The following SNX24 variants were observed in gnomAD, a reference collection of about 807,000 sequenced individuals.
The protein encoded by SNX24 is sorting nexin 24.
Under a neutral mutation model 28.7 loss-of-function variants are expected in SNX24, and 22 were observed. The observed-to-expected ratio is 0.77, with a 90% CI of 0.55 to 1.10. The LOEUF (loss-of-function observed/expected upper bound fraction) is 1.10, where lower values mean the gene tolerates loss of function less well. SNX24 is among the 50% of genes least tolerant of loss of function. The probability of loss-of-function intolerance (pLI) is 0.00; values close to 1 mark genes in which losing one functional copy is unlikely to be tolerated. For synonymous variants in SNX24, 69 were observed against 71.5 expected, an observed-to-expected ratio of 0.96 and a Z score of 0.18; for missense variants, 221 against 201.1, an observed-to-expected ratio of 1.10 and a Z score of -0.60.
downstream of SNX24, among the ~76,000 whole-genome samples, chr5:123,010,762 C>T (rs974807322): frequency 1.3e-5 from 2 of 152,174 alleles, no homozygotes; most frequent in Non-Finnish European, 2.9e-5. Flanking sequence ...ATTTCATCTA[C>T]ATACAAGCAG....
chr5:122,913,170 C>T (rs1757970188), intron 1 of SNX24, among the ~76,000 whole-genome samples: 1 of 152,244 alleles, frequency 6.6e-6, no homozygotes, highest in Admixed American at 6.5e-5. Flanking sequence ...ACCTTTCCCC[C>T]TTTTCTATTC....
intron 2 of SNX24, among the ~76,000 whole-genome samples, chr5:122,938,410 T>G (rs1759275863): frequency 6.6e-6 from 1 of 152,214 alleles, no homozygotes; most frequent in African/African-American, 2.4e-5. Context: ...TGAGGTCTAC[T>G]AGCATTAATA....
intron 5 of SNX24, among the ~76,000 whole-genome samples, chr5:123,028,207 G>A (rs1232393654): frequency 6.6e-6 from 1 of 152,178 alleles, no homozygotes; most frequent in Non-Finnish European, 1.5e-5. Context: ...TTTTAGAACA[G>A]AAAAATGAAA....
chr5:122,862,963 AAAC>A (rs1330794391), intron 1 of SNX24, among the ~76,000 whole-genome samples: 2 of 152,234 alleles, frequency 1.3e-5, no homozygotes, highest in Non-Finnish European at 2.9e-5. Flanking sequence ...GAGAAAATGA[AAAC>A]AAGTCATCTA....
chr5:122,914,642 G>T (rs933765616), intron 1 of SNX24, among the ~76,000 whole-genome samples: 2 of 150,622 alleles, frequency 1.3e-5, no homozygotes, highest in South Asian at 2.1e-4. Context: ...TATGTGTCGA[G>T]GAATTTATCC....
downstream of SNX24, among the ~76,000 whole-genome samples, chr5:123,011,202 G>C (rs13164161): frequency 2.6e-5 from 4 of 151,508 alleles, no homozygotes; most frequent in Non-Finnish European, 5.9e-5. Flanking sequence ...ACCAGAGGAA[G>C]GAAAAGGAAA....
intron 3 of SNX24, among the ~76,000 whole-genome samples, chr5:122,955,385 G>T (rs1760158934): frequency 6.6e-6 from 1 of 152,130 alleles, no homozygotes; most frequent in Non-Finnish European, 1.5e-5. Context: ...TCATCCTAAT[G>T]TTGGAATCTA....
At chr5:122,873,300 G>A (rs532462262) in intron 1 of SNX24, among the ~76,000 whole-genome samples, 77 of 152,180 alleles carry the variant, frequency 5.1e-4, no homozygotes, top group African/African-American at 1.5e-3. Context: ...AGCTGTTTTT[G>A]CAGTCAGGGT....
At chr5:122,913,598 G>A (rs565111879) in intron 1 of SNX24, among the ~76,000 whole-genome samples, 18 of 151,468 alleles carry the variant, frequency 1.2e-4, no homozygotes, top group African/African-American at 2.2e-4. Context: ...GGCGGCTGCC[G>A]GGCGGAGGGT....
At chr5:122,933,141 G>A (rs1034274038) in intron 1 of SNX24, among the ~76,000 whole-genome samples, 5 of 152,316 alleles carry the variant, frequency 3.3e-5, no homozygotes, top group African/African-American at 9.6e-5. Flanking sequence ...TGGCTTTGAA[G>A]TGTTGTTAAA....
intron 1 of SNX24, among the ~76,000 whole-genome samples, chr5:122,848,693 A>G (rs944753830): frequency 2.0e-5 from 3 of 148,422 alleles, no homozygotes; most frequent in African/African-American, 7.6e-5. Context: ...TAGGTGACAG[A>G]GCAACACTCC....
chr5:122,970,786 A>C (rs961895306), intron 3 of SNX24, among the ~76,000 whole-genome samples: 2 of 152,048 alleles, frequency 1.3e-5, no homozygotes, highest in African/African-American at 4.8e-5. Flanking sequence ...CACAAATCTT[A>C]TGTGTCAGCC....
chr5:122,993,297 CTT>C (rs34422739), intron 3 of SNX24, among the ~76,000 whole-genome samples: 62 of 114,146 alleles, frequency 5.4e-4, no homozygotes, highest in South Asian at 1.4e-3. Flanking sequence ...TAGTGGCTGC[CTT>C]TTTTTTTTTT....
At chr5:122,995,929 C>T (rs527714575) in intron 3 of SNX24, among the ~76,000 whole-genome samples, 81 of 152,252 alleles carry the variant, frequency 5.3e-4, no homozygotes, top group South Asian at 2.3e-3. Flanking sequence ...ACTTCATCAG[C>T]TGTACTCTAA....
intron 1 of SNX24, among the ~76,000 whole-genome samples, chr5:122,915,171 C>T (rs756607268): frequency 4.6e-5 from 7 of 152,090 alleles, no homozygotes; most frequent in Non-Finnish European, 8.8e-5. Context: ...TTGACTCTAC[C>T]ACCTAATCAT....
At chr5:122,953,064 T>TTCTTCCTTTCTG (rs1474419582) in intron 3 of SNX24, among the ~76,000 whole-genome samples, 3 of 151,900 alleles carry the variant, frequency 2.0e-5, no homozygotes, top group African/African-American at 7.3e-5. Flanking sequence ...CTTTCTTTCT[T>TTCTTCCTTTCTG]TCTTCCTTTC....
At chr5:122,937,485 C>G (rs536692854) in intron 2 of SNX24, among the ~76,000 whole-genome samples, 1 of 152,170 alleles carries the variant, frequency 6.6e-6, no homozygotes, top group South Asian at 2.1e-4. Context: ...TATTTTCTAC[C>G]TAAATTTAAT....
intron 5 of SNX24, among the ~76,000 whole-genome samples, chr5:123,017,428 G>GTT (rs11341488): frequency 6.0e-5 from 8 of 134,436 alleles, no homozygotes; most frequent in Non-Finnish European, 9.9e-5. Context: ...ATAAAAAGTT[G>GTT]TTTTTTTTTT....
chr5:122,919,492 T>C (rs1446122888), intron 1 of SNX24, among the ~76,000 whole-genome samples: 1 of 152,006 alleles, frequency 6.6e-6, no homozygotes, highest in Non-Finnish European at 1.5e-5. Flanking sequence ...AAAAGAAACG[T>C]GTGCAGGAAG....
Sources: allele counts gnomAD v4.1 joint callset (sites outside exome capture counted in the v4.1 genomes callset), GRCh38; gene constraint gnomAD v4.1.1; transcripts MANE v1.5; gene names NCBI Gene and HGNC (gene_info 2026-07-23, HGNC 2026-07-21).